ALPK1: variants seen among roughly 807,000 people sequenced by gnomAD.
ALPK1 encodes alpha kinase 1, also known as alpha-protein kinase 1.
Under a neutral mutation model 120.6 loss-of-function variants are expected in ALPK1, and 110 were observed. That is an observed-to-expected ratio of 0.91 (90% confidence interval 0.78 to 1.07). The LOEUF (loss-of-function observed/expected upper bound fraction) is 1.07, where lower values mean the gene tolerates loss of function less well. ALPK1 is among the 50% of genes least tolerant of loss of function. ALPK1 has a pLI of 0.00. For synonymous variants in ALPK1, 582 were observed against 560.3 expected, an observed-to-expected ratio of 1.04 and a Z score of -0.55; for missense variants, 1,498 against 1,483.9, an observed-to-expected ratio of 1.01 and a Z score of -0.16.
At chr4:112,372,894 T>C (rs1424850760) in intron 2 of ALPK1, among the ~76,000 whole-genome samples, 1 of 152,200 alleles carries the variant, frequency 6.6e-6, no homozygotes, top group Non-Finnish European at 1.5e-5. Context: ...CATAAGCCTT[T>C]AGACAAAAGG....
intron 1 of ALPK1, among the ~76,000 whole-genome samples, chr4:112,311,366 A>G (rs1728393437): frequency 1.3e-5 from 2 of 152,152 alleles, no homozygotes; most frequent in African/African-American, 4.8e-5. Flanking sequence ...ATGCTTATAT[A>G]TATTATCTTA....
chr4:112,374,940 A>G (rs1731585311), intron 2 of ALPK1, among the ~76,000 whole-genome samples: 2 of 152,174 alleles, frequency 1.3e-5, no homozygotes, highest in African/African-American at 2.4e-5. Context: ...ATTTAGTATA[A>G]TTCTTAAGGG....
intron 2 of ALPK1, among the ~76,000 whole-genome samples, chr4:112,329,345 G>C (rs1729259506): frequency 6.6e-6 from 1 of 152,164 alleles, no homozygotes; most frequent in Non-Finnish European, 1.5e-5. Context: ...ACTCTGAAGA[G>C]ACTGACTTAT....
intron 1 of ALPK1, among the ~76,000 whole-genome samples, chr4:112,304,850 C>G (rs1287279339): frequency 6.6e-6 from 1 of 152,024 alleles, no homozygotes; most frequent in Non-Finnish European, 1.5e-5. Flanking sequence ...ATGGTAATGC[C>G]TAGGTTTTCT....
chr4:112,392,891 A>G (rs765620351), intron 4 of ALPK1, among the ~76,000 whole-genome samples: 1 of 152,186 alleles, frequency 6.6e-6, no homozygotes, highest in Non-Finnish European at 1.5e-5. Context: ...CTGTATCTGA[A>G]AGAACAGGAA....
intron 2 of ALPK1, among the ~76,000 whole-genome samples, chr4:112,368,471 A>C (rs1181250399): frequency 1.3e-5 from 2 of 152,034 alleles, no homozygotes; most frequent in African/African-American, 4.8e-5. Context: ...TTCTGCTTTC[A>C]TTCATGATTT....
intron 2 of ALPK1, among the ~76,000 whole-genome samples, chr4:112,374,110 C>T (rs1261081431): frequency 6.6e-6 from 1 of 152,240 alleles, no homozygotes. Flanking sequence ...TGTCTGATAG[C>T]ATTCACCCAT....
chr4:112,309,584 C>T (rs553621950), intron 1 of ALPK1, among the ~76,000 whole-genome samples: 2 of 152,002 alleles, frequency 1.3e-5, no homozygotes, highest in South Asian at 2.1e-4. Context: ...GCCATTTGCT[C>T]AGTTGGAAAT....
rs370069355 is a variant in ALPK1 at position 112,439,670 on chromosome 4, C to T, written c.3352-16C>T. ...TTTACCATTATGCTGTAATGTTTCT[C>T]ATTGCTATTTTTCAGATTTTAGAGG... On this transcript the variant is annotated splice_polypyrimidine_tract_variant and intron_variant, in intron 13 of 15. Transcript: ENST00000650871. 29 of 1,590,286 alleles carry T rather than the reference C, an allele frequency of 1.8e-5. No individual in the cohort carries two copies. In the African/African-American group the frequency reaches 3.2e-4, roughly 18 times the overall value.
In ALPK1 at chr4:112,300,730, T is replaced by A. The variant is rs900683075; in HGVS notation, c.-153+3261T>A. Among the ~76,000 whole-genome samples the A allele has an allele frequency of 3.3e-5, 5 of 151,846 alleles. No individual in the cohort carries two copies. In the East Asian group the frequency reaches 5.8e-4, roughly 18 times the overall value. ...AAAAAAAAAGGCAGGGAAGGGGGAA[T>A]GGAAATTTGGCCTGACCTGTGTGCA... On this transcript the variant is annotated intron_variant, in intron 1 of 15. Coordinates refer to ENST00000650871, the MANE Select transcript of ALPK1 (RefSeq NM_025144.4).
intron 12 of ALPK1, 73 bp from the exon 13 acceptor site, chr4:112,438,411 A>G: frequency 7.1e-7 from 1 of 1,403,792 alleles, no homozygotes; most frequent in Non-Finnish European, 9.8e-7. Context: ...ATGTCTTTTG[A>G]TCTCCTCTCT....
intron 2 of ALPK1, among the ~76,000 whole-genome samples, chr4:112,340,949 G>A (rs567522121): frequency 1.1e-4 from 16 of 152,278 alleles, no homozygotes; most frequent in Admixed American, 2.6e-4. Flanking sequence ...TTGAATTCAC[G>A]CACGTGGTTC....
At chr4:112,412,046 CG>C in intron 5 of ALPK1, 21 bp downstream of exon 5, 1 of 1,612,658 alleles carries the variant, frequency 6.2e-7, no homozygotes, top group Non-Finnish European at 8.5e-7. Context: ...TCCTGCTGGC[CG>C]CCCCCGCGTC....
rs1731280195 is a variant in ALPK1, at chr4:112,369,013, AG to A, written c.-100-8663del. Reference sequence around the variant, plus strand: ...GCTTCTATATTGCAGGTAACTTTTTAGGTTTCAGCCTTTACTTCTTTTTTTG... The same window carrying A: ...GCTTCTATATTGCAGGTAACTTTTTAGTTTCAGCCTTTACTTCTTTTTTTG... On this transcript the variant is annotated intron_variant, in intron 2 of 15. Coordinates refer to ENST00000650871, the MANE Select transcript of ALPK1 (RefSeq NM_025144.4). 5.5e-5 allele frequency among the ~76,000 whole-genome samples: 4 copies of A among 72,178 alleles called. No homozygotes were observed. In the South Asian group the frequency reaches 1.9e-3, roughly 35 times the overall value. 47.4% of individuals were successfully genotyped at this position (72,178 alleles called of 152,430 possible). A position where few individuals can be genotyped will look rare whatever the true frequency, so the allele number is the denominator to read the frequency against.
Position 112,432,515 on chromosome 4 carries a change from G to A in ALPK1, c.2968G>A (p.Asp990Asn). The A allele has an allele frequency of 1.2e-6, 2 of 1,614,182 alleles. No individual in the cohort carries two copies. The highest frequency in any genetic ancestry group is 2.2e-5 in the South Asian group (2 of 91,084). Residue 990 changes from aspartate to asparagine, a missense_variant, in exon 11 of 16, where the codon GAT becomes AAT. Asp to Asn is a conservative substitution (Grantham distance 23). Coordinates refer to ENST00000650871, the MANE Select transcript of ALPK1 (RefSeq NM_025144.4). ...FEKLLAGVRH[D>N]WLFQRLENTG... The stretch of plus-strand genomic sequence containing the variant: ...AAAGCTGTTGGCAGGAGTGAGGCAT[G>A]ATTGGCTGTTTCAGAGACTAGAGAA...
Position 112,430,625 on chromosome 4 carries a change from G to C in ALPK1, c.1078G>C (p.Gly360Arg). Reference protein sequence around the residue: ...ELHSFVKAAFGLTTVHRRLHG... With the variant: ...ELHSFVKAAFRLTTVHRRLHG... Reference sequence around the variant, plus strand: ...TCACAGCTTTGTCAAAGCTGCTTTCGGTCTCACCACAGTGCACAGAAGGCT... The same window carrying C: ...TCACAGCTTTGTCAAAGCTGCTTTCCGTCTCACCACAGTGCACAGAAGGCT... Residue 360 changes from glycine to arginine, a missense_variant, in exon 11 of 16, where the codon GGT becomes CGT. Gly to Arg is a moderately radical substitution (Grantham distance 125). Transcript: ENST00000650871. 1 of 1,614,070 alleles carries C rather than the reference G, an allele frequency of 6.2e-7. No individual in the cohort carries two copies. Among genetic ancestry groups the C allele is most frequent in the Non-Finnish European group, 8.5e-7 (1 of 1,179,990 alleles).
intron 2 of ALPK1, among the ~76,000 whole-genome samples, chr4:112,343,766 C>A (rs1302984011): frequency 1.4e-5 from 2 of 147,346 alleles, no homozygotes; most frequent in African/African-American, 5.0e-5. Context: ...TCCCCCCTAC[C>A]CCCGTTAATT....
intron 2 of ALPK1, among the ~76,000 whole-genome samples, chr4:112,332,312 T>C (rs1729418111): frequency 1.3e-5 from 2 of 152,218 alleles, no homozygotes; most frequent in African/African-American, 4.8e-5. Context: ...TTCCTAGAAC[T>C]GGACGCAAGA....
intron 5 of ALPK1, among the ~76,000 whole-genome samples, chr4:112,423,475 A>G (rs1175059439): frequency 6.6e-6 from 1 of 152,238 alleles, no homozygotes; most frequent in Non-Finnish European, 1.5e-5. Flanking sequence ...TCCATAGAAT[A>G]GGCCCTTCCT....
Sources: allele counts gnomAD v4.1 joint callset (sites outside exome capture counted in the v4.1 genomes callset), GRCh38; gene constraint gnomAD v4.1.1; transcripts MANE v1.5; gene names NCBI Gene and HGNC (gene_info 2026-07-23, HGNC 2026-07-21).